Variants in ZNF251 observed in about 807,000 individuals in gnomAD.
ZNF251 encodes zinc finger protein 251.
Under a neutral mutation model 13.5 loss-of-function variants are expected in ZNF251, and 14 were observed. That is an observed-to-expected ratio of 1.04 (90% CI 0.69 to 1.63). The LOEUF (loss-of-function observed/expected upper bound fraction) is 1.63, where lower values mean the gene tolerates loss of function less well. Among genes scored for constraint, ZNF251 ranks in the 40% most tolerant of loss-of-function variants. The probability of loss-of-function intolerance (pLI) is 0.00; values close to 1 mark genes in which losing one functional copy is unlikely to be tolerated. For synonymous variants in ZNF251, 287 were observed against 295.2 expected, an observed-to-expected ratio of 0.97 and a Z score of 0.28; for missense variants, 764 against 834.9, an observed-to-expected ratio of 0.92 and a Z score of 1.05.
chr8:144,744,478 G>T (rs1376187375), intron 4 of ZNF251, among the ~76,000 whole-genome samples: 1 of 152,136 alleles, frequency 6.6e-6, no homozygotes, highest in Non-Finnish European at 1.5e-5. Flanking sequence ...TTTTGCCATG[G>T]AATGAAATGT....
intron 4 of ZNF251, among the ~76,000 whole-genome samples, chr8:144,738,358 G>A (rs1823999654): frequency 6.6e-6 from 1 of 152,144 alleles, no homozygotes; most frequent in Non-Finnish European, 1.5e-5. Flanking sequence ...TAGAAACTGA[G>A]GGTCCCACAC....
chr8:144,754,021 T>G (rs1184355849), intron 3 of ZNF251, among the ~76,000 whole-genome samples, 171 bp downstream of exon 3: 1 of 152,114 alleles, frequency 6.6e-6, no homozygotes, highest in Non-Finnish European at 1.5e-5. Flanking sequence ...TCCCTAGAAC[T>G]GGGGAGCAAG....
At chr8:144,731,082 G>A (rs1490428528) in intron 4 of ZNF251, among the ~76,000 whole-genome samples, 6 of 152,152 alleles carry the variant, frequency 3.9e-5, no homozygotes, top group East Asian at 1.9e-4. Context: ...CCGGAGGACC[G>A]AGGAAGCCCC....
intron 4 of ZNF251, among the ~76,000 whole-genome samples, chr8:144,737,612 C>T (rs780822692): frequency 1.3e-5 from 2 of 151,956 alleles, no homozygotes; most frequent in South Asian, 2.1e-4. Flanking sequence ...GCGGGTGGAT[C>T]ACAAGGTCAG....
chr8:144,754,846 G>A, intron 1 of ZNF251, 43 bp from the exon 2 acceptor site: 1 of 1,493,750 alleles, frequency 6.7e-7, no homozygotes, highest in Non-Finnish European at 8.9e-7. Context: ...TCAACCAGGG[G>A]TGTGGAAGGA....
intron 4 of ZNF251, among the ~76,000 whole-genome samples, chr8:144,737,614 C>T (rs1049335466): frequency 1.3e-5 from 2 of 151,950 alleles, no homozygotes; most frequent in Non-Finnish European, 2.9e-5. Context: ...GGGTGGATCA[C>T]AAGGTCAGGA....
chr8:144,729,089 G>GAAAA (rs770516433), intron 4 of ZNF251, among the ~76,000 whole-genome samples: 3 of 91,594 alleles, frequency 3.3e-5, no homozygotes, highest in Admixed American at 2.7e-4. Context: ...TCCATCTATG[G>GAAAA]AAAAAAAAAA....
intron 4 of ZNF251, among the ~76,000 whole-genome samples, chr8:144,733,696 T>C (rs183197521): frequency 1.3e-3 from 199 of 152,226 alleles, no homozygotes; most frequent in Non-Finnish European, 2.1e-3. Context: ...ATCCTCGCCC[T>C]CCATCCTCTC....
rs200014252 is a variant in ZNF251, at chr8:144,737,510, AAAAC to A, written c.278-14132_278-14129del. The stretch of plus-strand genomic sequence containing the variant: ...GGTGACAGAGCGAGATTCCGTCGCA[AAAAC>A]AAACAAACAAACAAACAAAAAACCA... On this transcript the variant is annotated intron_variant, in intron 4 of 4. Transcript: ENST00000292562. Among the ~76,000 whole-genome samples, 827 of 150,392 alleles carry A rather than the reference AAAAC, an allele frequency of 5.5e-3. 9 individuals are homozygous for A. The highest frequency in any genetic ancestry group is 0.018 in the African/African-American group (746 of 40,604).
At chr8:144,733,006 GAGGTCAGGAGTTCGAGAGC>G (rs1447147294) in intron 4 of ZNF251, among the ~76,000 whole-genome samples, 1 of 151,902 alleles carries the variant, frequency 6.6e-6, no homozygotes, top group African/African-American at 2.4e-5. Context: ...TGGATCATCT[GAGGTCAGGAGTTCGAGAGC>G]AGCCTGGCCA....
intron 4 of ZNF251, among the ~76,000 whole-genome samples, chr8:144,731,087 A>C: frequency 6.6e-6 from 1 of 152,184 alleles, no homozygotes; most frequent in South Asian, 2.1e-4. Context: ...GGACCGAGGA[A>C]GCCCCATGAT....
chr8:144,721,923 T>C lies in ZNF251; in HGVS notation c.1737A>G (p.Ser579=), dbSNP rs369525320. Residue 579 remains serine, a synonymous_variant, in exon 5 of 5, where the codon TCA becomes TCG. Coordinates refer to ENST00000292562, the MANE Select transcript of ZNF251 (RefSeq NM_138367.2). ...NEYGKAFSPT[S]RPTEDQIMHA... is the part of the protein sequence containing the mutation. ...GCATTATCTGATCTTCAGTGGGTCG[T>C]GAGGTGGGACTGAAAGCTTTTCCAT... is the stretch of plus-strand genomic sequence containing the variant. 6.6e-7 allele frequency: 1 copy of C among 1,514,574 alleles called. No individual in the cohort carries two copies. The highest frequency in any genetic ancestry group is 8.8e-7 in the Non-Finnish European group (1 of 1,131,250). 93.8% of individuals were successfully genotyped at this position (1,514,574 alleles called of 1,614,324 possible).
At chr8:144,724,256 C>G (rs1236445832) in intron 4 of ZNF251, among the ~76,000 whole-genome samples, 1 of 123,108 alleles carries the variant, frequency 8.1e-6, no homozygotes, top group Admixed American at 8.7e-5. Context: ...AGCAAGACTC[C>G]GTCTCAAAAA....
chr8:144,746,449 C>T (rs1824434435), intron 4 of ZNF251, among the ~76,000 whole-genome samples: 1 of 152,102 alleles, frequency 6.6e-6, no homozygotes, highest in Admixed American at 6.6e-5. Context: ...CTGTAGTTTC[C>T]TTTTCTTGTA....
intron 3 of ZNF251, 150 bp from the exon 4 acceptor site, chr8:144,753,946 TCCA>T (rs547384514): frequency 0.016 from 12,064 of 762,888 alleles, 146 homozygotes; most frequent in Non-Finnish European, 0.021. Context: ...TGAAGGAGAA[TCCA>T]CTCATCAGCT....
chr8:144,745,370 G>C (rs987952267), intron 4 of ZNF251, among the ~76,000 whole-genome samples: 6 of 151,620 alleles, frequency 4.0e-5, no homozygotes, highest in Non-Finnish European at 8.8e-5. Context: ...TCTGTTTTTT[G>C]ACCAATACCA....
intron 4 of ZNF251, chr8:144,738,643 T>A: frequency 1.0e-6 from 1 of 985,432 alleles, no homozygotes; most frequent in Middle Eastern, 5.2e-4. Context: ...CCCATAGATT[T>A]AGACTCAGTC....
At chr8:144,751,352 T>A (rs752753774) in intron 4 of ZNF251, among the ~76,000 whole-genome samples, 1 of 152,366 alleles carries the variant, frequency 6.6e-6, no homozygotes, top group Middle Eastern at 3.4e-3. Flanking sequence ...ACTATATAAC[T>A]GTTTAAAACT....
intron 4 of ZNF251, among the ~76,000 whole-genome samples, chr8:144,747,635 G>A (rs1013673533): frequency 2.0e-5 from 3 of 150,948 alleles, no homozygotes; most frequent in African/African-American, 7.3e-5. Flanking sequence ...TTTTTGAGAC[G>A]GAGTCTCGCT....
Sources: gnomAD v4.1 joint callset for allele counts (sites outside exome capture counted in the v4.1 genomes callset) on GRCh38, gnomAD v4.1.1 for gene constraint, MANE v1.5 for transcripts, NCBI Gene and HGNC (gene_info 2026-07-23, HGNC 2026-07-21) for gene names.